MTOR: variants seen among roughly 807,000 people sequenced by gnomAD.
The protein encoded by MTOR is mechanistic target of rapamycin kinase, also known as serine/threonine-protein kinase mTOR.
MTOR carries 70 observed loss-of-function variants against 319.8 expected under a neutral mutation model. The observed-to-expected ratio is 0.22, with a 90% CI of 0.18 to 0.27. The LOEUF is 0.27. Among genes scored for constraint, MTOR ranks in the 10% least tolerant of loss-of-function variants. MTOR has a pLI of 1.00. For synonymous variants in MTOR, 1,183 were observed against 1,211.4 expected, an observed-to-expected ratio of 0.98 and a Z score of 0.49; for missense variants, 1,890 against 3,274.4, an observed-to-expected ratio of 0.58 and a Z score of 10.32.
At chr1:11,244,049 T>C (rs1487631977) in intron 8 of MTOR, among the ~76,000 whole-genome samples, 1 of 151,336 alleles carries the variant, frequency 6.6e-6, no homozygotes, top group East Asian at 2.0e-4. Flanking sequence ...TCCCAGCACT[T>C]TGGGACACCA....
At chr1:11,244,318 A>AC (rs1648521633) in intron 8 of MTOR, among the ~76,000 whole-genome samples, 2 of 146,548 alleles carry the variant, frequency 1.4e-5, no homozygotes, top group Non-Finnish European at 3.0e-5. Context: ...AAAAAAAAAG[A>AC]CCCCATCTCA....
chr1:11,207,492 TG>T (rs1330188978), intron 25 of MTOR, among the ~76,000 whole-genome samples: 1 of 141,156 alleles, frequency 7.1e-6, no homozygotes, highest in African/African-American at 2.6e-5. Context: ...CACTGCACCC[TG>T]GAACTCATGG....
In MTOR at chr1:11,257,179, G is replaced by T; in HGVS notation, c.272-14C>A. ...CTATGAGGCTAGCTGCAAAAGAGAGGAAGGCAAAAGGTGATGATGGGGCGT... is the reference window on the plus strand; with the variant it reads ...CTATGAGGCTAGCTGCAAAAGAGAGTAAGGCAAAAGGTGATGATGGGGCGT... On this transcript the variant is annotated splice_polypyrimidine_tract_variant and intron_variant, in intron 3 of 57. Coordinates refer to ENST00000361445, the MANE Select transcript of MTOR (RefSeq NM_004958.4). 6.2e-7 allele frequency: 1 copy of T among 1,604,396 alleles called. No homozygotes were observed.
chr1:11,192,243 C>T, intron 28 of MTOR: 1 of 1,540,414 alleles, frequency 6.5e-7, no homozygotes, highest in East Asian at 2.2e-5. Flanking sequence ...GGTCTAAATG[C>T]TCACCCTGTG....
At position 11,115,561 on chromosome 1, in the gene MTOR, C is replaced by T; in HGVS notation, c.7017-93G>A. The T allele has an allele frequency of 8.2e-7, 1 of 1,214,288 alleles. No homozygotes were observed. The highest frequency in any genetic ancestry group is 1.2e-5 in the South Asian group (1 of 80,650). The allele number at this position is 1,214,288 out of a possible 1,614,324, so 75.2% of individuals were successfully genotyped here. A position where few individuals can be genotyped will look rare whatever the true frequency, so the allele number is the denominator to read the frequency against. On this transcript the variant is annotated intron_variant, in intron 50 of 57. Coordinates refer to ENST00000361445, the MANE Select transcript of MTOR (RefSeq NM_004958.4). The surrounding 1 kb of genome is among the most constrained non-coding windows in gnomAD (Gnocchi z 4.5). ...CGTGATACTGTAAGCTAGGAGTTGG[C>T]AAACGATAGCCCTCAGCCAATCCAG...
In MTOR at chr1:11,240,149, C is replaced by T. The variant is rs142492656; in HGVS notation, c.1786+154G>A. ...GAAACAAAAGTAGGAATTACCAATA[C>T]GTGGAAAGAGTCTAGGAAGGATGAG... On this transcript the variant is annotated intron_variant, in intron 11 of 57. Transcript: ENST00000361445. 1.6e-3 allele frequency among the ~76,000 whole-genome samples: 240 copies of T among 152,282 alleles called. 1 individual carries two copies. Among genetic ancestry groups the T allele is most frequent in the Middle Eastern group, 3.4e-3 (1 of 294 alleles).
chr1:11,200,559 A>G (rs959283374), intron 26 of MTOR, among the ~76,000 whole-genome samples: 1 of 152,184 alleles, frequency 6.6e-6, no homozygotes, highest in Non-Finnish European at 1.5e-5. Flanking sequence ...AAAACAGGAT[A>G]TACCTACAAT....
chr1:11,120,409 G>A (rs1406926898), intron 49 of MTOR, among the ~76,000 whole-genome samples: 5 of 152,008 alleles, frequency 3.3e-5, no homozygotes, highest in Admixed American at 6.6e-5. Flanking sequence ...ATGGTGGTAC[G>A]TGCCTGTAAT....
At position 11,238,608 on chromosome 1, in the gene MTOR, A is replaced by G. The variant is rs769668717; in HGVS notation, c.1796T>C (p.Leu599Pro). The G allele has an allele frequency of 9.9e-6, 16 of 1,610,914 alleles. No individual in the cohort carries two copies. The highest frequency in any genetic ancestry group is 1.3e-5 in the African/African-American group (1 of 74,902). Residue 599 changes from leucine (L) to proline (P), a missense_variant, in exon 12 of 58, where the codon CTG becomes CCG. Physicochemically the swap from Leu to Pro is moderately conservative, Grantham distance 98. Transcript: ENST00000361445. ...LGSFEFEGHS[L>P]TQFVRHCADH... The stretch of plus-strand genomic sequence containing the variant: ...CGCACAGTGGCGAACAAATTGGGTC[A>G]GAGAGTGGCCTGGATAGAAAGGCAG...
intron 28 of MTOR, among the ~76,000 whole-genome samples, chr1:11,177,054 C>T (rs901376919): frequency 1.3e-5 from 2 of 152,088 alleles, no homozygotes; most frequent in African/African-American, 4.8e-5. Flanking sequence ...TGAAGGGAAA[C>T]AAAGCCAGAA....
At position 11,115,505 on chromosome 1, in the gene MTOR, CAG is replaced by C; in HGVS notation, c.7017-39_7017-38del. The C allele has an allele frequency of 6.3e-7, 1 of 1,591,326 alleles. No homozygotes were observed. Among genetic ancestry groups the C allele is most frequent in the African/African-American group, 1.3e-5 (1 of 74,554 alleles). On this transcript the variant is annotated intron_variant, in intron 50 of 57. Transcript: ENST00000361445. The surrounding 1 kb of genome is among the most constrained non-coding windows in gnomAD (Gnocchi z 4.5). ...AGAAGACAGATCAGGGAGGGATCAA[CAG>C]AGATAACGGATGAAAAAATCAATAA...
Position 11,212,114 on chromosome 1 carries a change from C to T in MTOR, c.3561+198G>A, listed in dbSNP as rs754678051. ...AGAGCAAGGACTTTATTCTGTTTAC[C>T]GTGTTACCCCCAGAACGGCACTTAG... is the stretch of plus-strand genomic sequence containing the variant. On this transcript the variant is annotated intron_variant, in intron 23 of 57. Coordinates refer to ENST00000361445, the MANE Select transcript of MTOR (RefSeq NM_004958.4). The surrounding 1 kb of genome is among the most constrained non-coding windows in gnomAD (Gnocchi z 4.1). Among the ~76,000 whole-genome samples, 10 of 152,092 alleles carry T rather than the reference C, an allele frequency of 6.6e-5. No homozygotes were observed. The highest frequency in any genetic ancestry group is 5.8e-4 in the East Asian group (3 of 5,198).
chr1:11,240,446 A>C lies in MTOR; in HGVS notation c.1643T>G (p.Met548Arg). The change falls in exon 11 of 58, where the codon ATG becomes AGG. Residue 548 changes from methionine (M) to arginine (R), a missense_variant. This residue lies in a region of MTOR where 418 missense variants were observed against 543.1 expected (regional missense o/e 0.77). Coordinates refer to ENST00000361445, the MANE Select transcript of MTOR (RefSeq NM_004958.4). ...GCCTGGGTGGCGAAGGGGTTTGTGC[A>C]TAAGGACCAGGGACAGCATTTTCAG... ...GLLKMLSLVL[M>R]HKPLRHPGMP... 1 of 1,614,250 alleles carries C rather than the reference A, an allele frequency of 6.2e-7. No homozygotes were observed. Among genetic ancestry groups the C allele is most frequent in the South Asian group, 1.1e-5 (1 of 91,090 alleles).
chr1:11,110,982 AG>A (rs1420397658), intron 54 of MTOR: 4 of 360,422 alleles, frequency 1.1e-5, no homozygotes, highest in African/African-American at 4.4e-5. Flanking sequence ...GAATGAAGCC[AG>A]TAAGTCTCAG....
Position 11,253,872 on chromosome 1 carries a change from G to C in MTOR, c.807C>G (p.Asn269Lys), listed in dbSNP as rs528524512. ...DRIHGALLILNELVRISSMEG... is the reference protein window; with the variant it reads ...DRIHGALLILKELVRISSMEG... Reference sequence around the variant, plus strand: ...CCATGCTGCTGATTCGGACCAGCTCGTTAAGGATCAACAAGGCTCCATGGA... The same window carrying C: ...CCATGCTGCTGATTCGGACCAGCTCCTTAAGGATCAACAAGGCTCCATGGA... The change falls in exon 6 of 58, where the codon AAC becomes AAG. Residue 269 changes from asparagine (N) to lysine (K), a missense_variant. Asn to Lys is a moderately conservative substitution (Grantham distance 94). This residue lies in a region of MTOR where 418 missense variants were observed against 543.1 expected (regional missense o/e 0.77). Coordinates refer to ENST00000361445, the MANE Select transcript of MTOR (RefSeq NM_004958.4). 1 of 1,614,094 alleles carries C rather than the reference G, an allele frequency of 6.2e-7. No individual in the cohort carries two copies. The highest frequency in any genetic ancestry group is 1.3e-5 in the African/African-American group (1 of 75,018).
chr1:11,156,329 A>G (rs1160612951), intron 30 of MTOR, among the ~76,000 whole-genome samples: 1 of 152,202 alleles, frequency 6.6e-6, no homozygotes, highest in Non-Finnish European at 1.5e-5. Flanking sequence ...CAGTTTAACA[A>G]TGATAGTATA....
rs376655467 is a variant in MTOR, at chr1:11,176,278, C to T, written c.4254-8761G>A. The stretch of plus-strand genomic sequence containing the variant: ...GACATGGCAGTGCCTCCTTGAGTGG[C>T]CCACTTGGTTATCGCCCTCATCCCT... On this transcript the variant is annotated intron_variant, in intron 28 of 57. Coordinates refer to ENST00000361445, the MANE Select transcript of MTOR (RefSeq NM_004958.4). Among the ~76,000 whole-genome samples, 189 of 152,290 alleles carry T rather than the reference C, an allele frequency of 1.2e-3. 1 individual carries two copies. Among genetic ancestry groups the T allele is most frequent in the South Asian group, 5.2e-3 (25 of 4,814 alleles).
intron 49 of MTOR, among the ~76,000 whole-genome samples, chr1:11,119,749 A>C (rs936090319): frequency 1.3e-5 from 2 of 151,402 alleles, no homozygotes; most frequent in Non-Finnish European, 2.9e-5. Flanking sequence ...TTGTCTCAAA[A>C]AAAAAAAACA....
At chr1:11,147,204 T>C (rs1479536575) in intron 31 of MTOR, among the ~76,000 whole-genome samples, 1 of 152,186 alleles carries the variant, frequency 6.6e-6, no homozygotes, top group Non-Finnish European at 1.5e-5. Context: ...GGAAATTACA[T>C]TTTCCTCCAA....
Sources: gnomAD v4.1 joint callset for allele counts (sites outside exome capture counted in the v4.1 genomes callset) on GRCh38, gnomAD v4.1.1 for gene constraint, gnomAD v4.1.1 regional missense constraint, Gnocchi (gnomAD v3.1) non-coding constraint, MANE v1.5 for transcripts, NCBI Gene and HGNC (gene_info 2026-07-23, HGNC 2026-07-21) for gene names.